The following ANTXR2 variants were observed in gnomAD, a reference collection of about 807,000 sequenced individuals.
ANTXR2 encodes ANTXR cell adhesion molecule 2, also known as anthrax toxin receptor 2.
Under a neutral mutation model 73.7 loss-of-function variants are expected in ANTXR2, and 44 were observed. The ratio of observed to expected loss-of-function variants is 0.60; its 90% CI spans 0.47 to 0.77. The LOEUF (loss-of-function observed/expected upper bound fraction) is 0.77. ANTXR2 is among the 30% of genes least tolerant of loss of function. The pLI is 0.00. For synonymous variants in ANTXR2, 217 were observed against 205.9 expected (o/e 1.05, Z -0.46); for missense variants, 604 against 592.5 (o/e 1.02, Z -0.20).
chr4:80,057,640 A>G (rs1734057874), intron 3 of ANTXR2, among the ~76,000 whole-genome samples: 2 of 151,944 alleles, frequency 1.3e-5, no homozygotes, highest in South Asian at 2.1e-4. Context: ...TAAGTTCATT[A>G]CACTCTTATT....
chr4:80,026,770 T>C (rs1040390825), intron 10 of ANTXR2, among the ~76,000 whole-genome samples: 6 of 152,202 alleles, frequency 3.9e-5, no homozygotes, highest in African/African-American at 1.4e-4. Context: ...TTTGGAGAGT[T>C]AATGCATCAC....
At chr4:79,955,857 T>TA (rs1728867455) in intron 16 of ANTXR2, among the ~76,000 whole-genome samples, 1 of 152,196 alleles carries the variant, frequency 6.6e-6, no homozygotes, top group African/African-American at 2.4e-5. Flanking sequence ...GGAATAGCTC[T>TA]AATTTTTCTT....
At chr4:79,984,112 C>A (rs955320605) in intron 13 of ANTXR2, 142 bp from the exon 14 acceptor site, 3 of 602,814 alleles carry the variant, frequency 5.0e-6, no homozygotes, top group Admixed American at 7.2e-5. Context: ...GATATATTTA[C>A]ACTTACATGC....
intron 16 of ANTXR2, among the ~76,000 whole-genome samples, chr4:79,912,283 A>G (rs1727176395): frequency 6.6e-6 from 1 of 151,916 alleles, no homozygotes; most frequent in Admixed American, 6.6e-5. Context: ...GTTGTAGCTG[A>G]CCTTTCTCCA....
intron 12 of ANTXR2, among the ~76,000 whole-genome samples, chr4:80,001,732 C>T (rs1381234105): frequency 2.0e-5 from 3 of 151,014 alleles, no homozygotes; most frequent in African/African-American, 7.3e-5. Context: ...TCTGGGTGCT[C>T]CTGTATTGGG....
chr4:80,036,402 C>A (rs776616279), intron 7 of ANTXR2, among the ~76,000 whole-genome samples: 10 of 152,112 alleles, frequency 6.6e-5, no homozygotes, highest in Non-Finnish European at 1.2e-4. Flanking sequence ...ACAAATCAGA[C>A]CCCCTGTTTA....
rs777700684 is a variant in ANTXR2 at position 79,901,902 on chromosome 4, T to C, written c.*5527A>G. ...ACAGGAGACACAGCTCAGGTGGTAA[T>C]GCGAGCGACGGGGAATTGCTGTAAA... is the stretch of plus-strand genomic sequence containing the variant. On this transcript the variant is annotated 3_prime_UTR_variant, in exon 17 of 17. Coordinates refer to ENST00000403729, the MANE Select transcript of ANTXR2 (RefSeq NM_058172.6). 3 of 152,090 alleles carry C rather than the reference T, an allele frequency of 2.0e-5. No individual in the cohort carries two copies. Among genetic ancestry groups the C allele is most frequent in the Non-Finnish European group, 4.4e-5 (3 of 68,038 alleles). 9.4% of individuals were successfully genotyped at this position (152,090 alleles called of 1,614,324 possible). A position where few individuals can be genotyped will look rare whatever the true frequency, so the allele number is the denominator to read the frequency against.
At chr4:79,991,385 CA>C (rs1279216999) in intron 12 of ANTXR2, among the ~76,000 whole-genome samples, 1 of 152,052 alleles carries the variant, frequency 6.6e-6, no homozygotes, top group African/African-American at 2.4e-5. Context: ...AAATGCAAAT[CA>C]AAACCACAAC....
intron 16 of ANTXR2, among the ~76,000 whole-genome samples, chr4:79,976,401 G>A (rs1729636884): frequency 6.6e-6 from 1 of 152,074 alleles, no homozygotes; most frequent in African/African-American, 2.4e-5. Context: ...ACAGGGATGG[G>A]GCAAAAACAC....
At chr4:80,068,892 T>C (rs1734649605) in intron 3 of ANTXR2, among the ~76,000 whole-genome samples, 1 of 152,190 alleles carries the variant, frequency 6.6e-6, no homozygotes, top group African/African-American at 2.4e-5. Flanking sequence ...AAGACACCTT[T>C]TAAAAAACAC....
In ANTXR2 at chr4:79,983,969, T is replaced by G; in HGVS notation, c.1088A>C (p.Glu363Ala). The G allele has an allele frequency of 6.3e-7, 1 of 1,579,000 alleles. No individual in the cohort carries two copies. Among genetic ancestry groups the G allele is most frequent in the East Asian group, 2.3e-5 (1 of 44,182 alleles). Residue 363 changes from glutamate to alanine, a missense_variant and splice_region_variant, in exon 14 of 17, where the codon GAG becomes GCG. Physicochemically the swap from Glu to Ala is moderately radical, Grantham distance 107 (BLOSUM62 -1). Coordinates refer to ENST00000403729, the MANE Select transcript of ANTXR2 (RefSeq NM_058172.6). ...TTTAGTAGGCAAAGGTTCTTCTTCCTCCTGTGGAAATATGTTTTATAAATA... is the reference window on the plus strand; with the variant it reads ...TTTAGTAGGCAAAGGTTCTTCTTCCGCCTGTGGAAATATGTTTTATAAATA... Reference protein sequence around the residue: ...PPPPAPAPKEEEEEPLPTKKW... With the variant: ...PPPPAPAPKEAEEEPLPTKKW...
At chr4:80,041,459 T>G (rs1411071346) in intron 7 of ANTXR2, among the ~76,000 whole-genome samples, 1 of 152,064 alleles carries the variant, frequency 6.6e-6, no homozygotes, top group Non-Finnish European at 1.5e-5. Flanking sequence ...CTCAAAATTT[T>G]TTTTTAATTT....
intron 12 of ANTXR2, among the ~76,000 whole-genome samples, chr4:79,994,594 A>T (rs55966179): frequency 1.0e-4 from 1 of 9,624 alleles, no homozygotes; most frequent in Non-Finnish European, 2.1e-4. Flanking sequence ...GTTCCTCCTG[A>T]GAATTACATC....
intron 3 of ANTXR2, among the ~76,000 whole-genome samples, chr4:80,059,302 A>G (rs900255628): frequency 6.8e-6 from 1 of 146,552 alleles, no homozygotes; most frequent in East Asian, 2.0e-4. Flanking sequence ...AAAGAGAAAG[A>G]GAGGAGGCAC....
intron 11 of ANTXR2, among the ~76,000 whole-genome samples, chr4:80,014,496 G>C (rs1042190726): frequency 1.3e-5 from 2 of 152,028 alleles, no homozygotes; most frequent in African/African-American, 4.8e-5. Flanking sequence ...AACCCGGGAA[G>C]CAGAGATTGC....
Position 79,913,310 on chromosome 4 carries a change from C to T in ANTXR2, c.1429-5843G>A, listed in dbSNP as rs149353102. ...AAAATTTATTAATAAATTTTATAAT[C>T]CACCATCAGCATTTTCTTCTTATCA... On this transcript the variant is annotated intron_variant, in intron 16 of 16. Transcript: ENST00000403729. Among the ~76,000 whole-genome samples the T allele has an allele frequency of 1.6e-4, 25 of 152,180 alleles. 1 individual carries two copies. Among genetic ancestry groups the T allele is most frequent in the African/African-American group, 5.5e-4 (23 of 41,536 alleles).
chr4:79,955,938 C>G (rs1185463669), intron 16 of ANTXR2, among the ~76,000 whole-genome samples: 1 of 152,130 alleles, frequency 6.6e-6, no homozygotes, highest in Non-Finnish European at 1.5e-5. Context: ...CAATCTCTTG[C>G]TACAGTTTGA....
chr4:80,035,584 G>A (rs541752345), intron 8 of ANTXR2, among the ~76,000 whole-genome samples: 99 of 152,256 alleles, frequency 6.5e-4, no homozygotes, highest in Non-Finnish European at 1.1e-3. Context: ...TGTGCCCTGA[G>A]CTGGCAGATT....
At chr4:80,016,334 C>A (rs547683000) in intron 11 of ANTXR2, among the ~76,000 whole-genome samples, 1 of 151,642 alleles carries the variant, frequency 6.6e-6, no homozygotes, top group Non-Finnish European at 1.5e-5. Flanking sequence ...CACATCCCCA[C>A]CCTGTTTGCT....
Sources: allele counts gnomAD v4.1 joint callset (sites outside exome capture counted in the v4.1 genomes callset), GRCh38; gene constraint gnomAD v4.1.1; transcripts MANE v1.5; gene names NCBI Gene and HGNC (gene_info 2026-07-23, HGNC 2026-07-21).